The following CCDC7 variants were observed in gnomAD, a reference collection of about 807,000 sequenced individuals.
CCDC7 encodes the protein coiled-coil domain-containing protein 7.
CCDC7 carries 183 observed loss-of-function variants against 196.9 expected under a neutral mutation model. That is an observed-to-expected ratio of 0.93 (90% confidence interval 0.82 to 1.05). The LOEUF (loss-of-function observed/expected upper bound fraction) is 1.05. CCDC7 is among the 50% of genes least tolerant of loss of function. The pLI is 0.00. For missense variants in CCDC7, 1,540 were observed against 1,482.2 expected (o/e 1.04, Z -0.64); for synonymous variants, 525 against 484.6 (o/e 1.08, Z -1.10).
chr10:32,464,390 C>T (rs2036325397), intron 5 of CCDC7, among the ~76,000 whole-genome samples: 1 of 152,168 alleles, frequency 6.6e-6, no homozygotes, highest in South Asian at 2.1e-4. Context: ...CTCATTTTCT[C>T]TTTCTTTTTT....
chr10:32,512,412 A>G (rs1357231493), intron 9 of CCDC7: 1 of 152,246 alleles, frequency 6.6e-6, no homozygotes, highest in Non-Finnish European at 1.5e-5. Flanking sequence ...CATCACAAAT[A>G]GTCACCTTAT....
intron 16 of CCDC7, among the ~76,000 whole-genome samples, chr10:32,581,593 G>A (rs960397923): frequency 3.9e-5 from 6 of 152,134 alleles, no homozygotes; most frequent in South Asian, 2.1e-4. Context: ...CCCCCTCAGT[G>A]GAAGTATCAT....
intron 18 of CCDC7, among the ~76,000 whole-genome samples, chr10:32,588,686 A>G (rs933244235): frequency 4.6e-5 from 7 of 151,890 alleles, no homozygotes; most frequent in Non-Finnish European, 7.4e-5. Context: ...AGTTTTCCCT[A>G]TTCTTTTATT....
At chr10:32,527,491 C>G (rs1411386785) in intron 11 of CCDC7, among the ~76,000 whole-genome samples, 1 of 152,156 alleles carries the variant, frequency 6.6e-6, no homozygotes, top group Non-Finnish European at 1.5e-5. Context: ...ATTTTGCCAT[C>G]TTGCCACCAC....
chr10:32,681,492 A>G (rs930413842), intron 21 of CCDC7, among the ~76,000 whole-genome samples: 1 of 152,136 alleles, frequency 6.6e-6, no homozygotes, highest in Non-Finnish European at 1.5e-5. Context: ...TTTTCAACTT[A>G]AGGCGATTAG....
chr10:32,702,112 A>G (rs2078856027), intron 24 of CCDC7, among the ~76,000 whole-genome samples: 1 of 151,980 alleles, frequency 6.6e-6, no homozygotes, highest in South Asian at 2.1e-4. Context: ...TTGTGATGTT[A>G]GGGTGTCCAT....
At chr10:32,474,015 C>T (rs748512643) in exon 8 of CCDC7, 33 of 1,611,258 alleles carry the variant, frequency 2.0e-5, no homozygotes, top group Non-Finnish European at 2.7e-5. Context: ...GTTTCTGCAA[C>T]AGAACCACGT....
At chr10:32,516,488 A>AT (rs1564522327) in intron 9 of CCDC7, among the ~76,000 whole-genome samples, 1 of 152,078 alleles carries the variant, frequency 6.6e-6, no homozygotes, top group Admixed American at 6.5e-5. Context: ...GGGTTTCACC[A>AT]TGTTGGCCAG....
At chr10:32,767,100 C>T (rs12264826) in intron 28 of CCDC7, among the ~76,000 whole-genome samples, 16,981 of 152,038 alleles carry the variant, frequency 0.11, 1,155 homozygotes, top group South Asian at 0.27. Flanking sequence ...TCACTCATTA[C>T]TGTGGAGAGG....
chr10:32,668,120 T>C (rs1175331815), intron 21 of CCDC7, among the ~76,000 whole-genome samples: 1 of 152,164 alleles, frequency 6.6e-6, no homozygotes, highest in Non-Finnish European at 1.5e-5. Context: ...TGTTTTATTC[T>C]CTTTGAAGCA....
intron 30 of CCDC7, among the ~76,000 whole-genome samples, chr10:32,810,746 A>G (rs949604783): frequency 6.6e-6 from 1 of 152,144 alleles, no homozygotes; most frequent in South Asian, 2.1e-4. Context: ...AACATTCTCC[A>G]GGTTAGACCA....
At chr10:32,644,892 G>A (rs1229821089) in intron 20 of CCDC7, among the ~76,000 whole-genome samples, 1 of 152,178 alleles carries the variant, frequency 6.6e-6, no homozygotes, top group Non-Finnish European at 1.5e-5. Flanking sequence ...CAACATGAAA[G>A]TGTACGAATA....
rs2054079114 is a variant in CCDC7 at position 32,554,765 on chromosome 10, T to C, written c.1134+10464T>C. On this transcript the variant is annotated intron_variant, in intron 13 of 41. Transcript: ENST00000639629. ...ATGTACAATAAATGATTGTTGACTG[T>C]AGTTGCCCTGTTGTGCTATCAAATA... Among the ~76,000 whole-genome samples, 3 of 152,340 alleles carry C rather than the reference T, an allele frequency of 2.0e-5. 1 individual carries two copies. The South Asian group carries it at 6.2e-4, about 32-fold the overall frequency.
chr10:32,714,861 G>T (rs896484298), intron 25 of CCDC7, among the ~76,000 whole-genome samples: 1 of 152,176 alleles, frequency 6.6e-6, no homozygotes, highest in African/African-American at 2.4e-5. Context: ...CCTCCTCTCT[G>T]GGCAGGGCAT....
At chr10:32,461,559 C>G (rs74910397) in intron 3 of CCDC7, among the ~76,000 whole-genome samples, 1 of 150,850 alleles carries the variant, frequency 6.6e-6, no homozygotes, top group South Asian at 2.1e-4. Flanking sequence ...TTTTCTAGAC[C>G]GTTTAGCAGG....
intron 20 of CCDC7, among the ~76,000 whole-genome samples, chr10:32,661,313 C>G (rs1249120045): frequency 6.6e-6 from 1 of 150,884 alleles, no homozygotes; most frequent in Non-Finnish European, 1.5e-5. Context: ...ATTAAAAAGT[C>G]AGGAAACAAC....
At chr10:32,852,852 G>T (rs1308610695) in intron 40 of CCDC7, among the ~76,000 whole-genome samples, 1 of 152,132 alleles carries the variant, frequency 6.6e-6, no homozygotes. Context: ...TGAAATCCAT[G>T]TTCTTTCCCA....
intron 25 of CCDC7, among the ~76,000 whole-genome samples, chr10:32,715,797 T>C (rs2081482832): frequency 6.6e-6 from 1 of 152,122 alleles, no homozygotes; most frequent in Non-Finnish European, 1.5e-5. Flanking sequence ...GAAGAAAGGA[T>C]ATCCAAGATT....
chr10:32,599,340 C>CATGT lies in CCDC7; in HGVS notation c.1801+15049_1801+15052dup, dbSNP rs750323421. ...TCTTATACATAGCATGTCATTGGGTCATGTATGTATGTATGTGTTTAAAAG... is the reference window on the plus strand; with the variant it reads ...TCTTATACATAGCATGTCATTGGGTCATGTATGTATGTATGTATGTGTTTAAAAG... On this transcript the variant is annotated intron_variant, in intron 18 of 41. Transcript: ENST00000639629. Among the ~76,000 whole-genome samples, 36 of 151,968 alleles carry CATGT rather than the reference C, an allele frequency of 2.4e-4. 1 individual carries two copies. The highest frequency in any genetic ancestry group is 2.3e-3 in the East Asian group (12 of 5,176).
Sources: allele counts gnomAD v4.1 joint callset (sites outside exome capture counted in the v4.1 genomes callset), GRCh38; gene constraint gnomAD v4.1.1; transcripts MANE v1.5; gene names NCBI Gene and HGNC (gene_info 2026-07-23, HGNC 2026-07-21).